The following GAB3 variants were observed in gnomAD, a reference collection of about 807,000 sequenced individuals.
The protein encoded by GAB3 is GRB2-associated-binding protein 3.
GAB3 carries 12 observed loss-of-function variants against 40.4 expected under a neutral mutation model. That is an observed-to-expected ratio of 0.30 (90% CI 0.19 to 0.48). The LOEUF (loss-of-function observed/expected upper bound fraction) is 0.48, where lower values mean the gene tolerates loss of function less well. GAB3 is among the 20% of genes least tolerant of loss of function. The pLI is 0.99. For missense variants in GAB3, 381 were observed against 461.9 expected (o/e 0.82, Z 1.61); for synonymous variants, 154 against 176.7 (o/e 0.87, Z 1.02).
At chrX:154,689,631 C>T (rs1472487555) in intron 8 of GAB3, among the ~76,000 whole-genome samples, 5 of 111,137 alleles carry the variant, frequency 4.5e-5, no homozygotes, top group African/African-American at 1.3e-4. Flanking sequence ...AACAGACAAA[C>T]GGAGAGCCAA....
chrX:154,734,863 A>C (rs1169800099), intron 1 of GAB3, among the ~76,000 whole-genome samples: 1 of 112,132 alleles, frequency 8.9e-6, no homozygotes, highest in African/African-American at 3.2e-5. Context: ...CTAACCTCCT[A>C]TTATGCGATC....
At chrX:154,734,032 T>C (rs143850572) in intron 1 of GAB3, among the ~76,000 whole-genome samples, 4 of 112,388 alleles carry the variant, frequency 3.6e-5, no homozygotes, top group Non-Finnish European at 5.6e-5. Context: ...GTGTGAAAAT[T>C]TGGGTGGGGT....
At chrX:154,704,593 A>C (rs782724365) in intron 4 of GAB3, among the ~76,000 whole-genome samples, 1 of 111,534 alleles carries the variant, frequency 9.0e-6, no homozygotes, top group Non-Finnish European at 1.9e-5. Flanking sequence ...GGAAATAAAT[A>C]ATAAAGATCA....
At chrX:154,732,706 G>A (rs906475921) in intron 1 of GAB3, among the ~76,000 whole-genome samples, 15 of 111,497 alleles carry the variant, frequency 1.3e-4, no homozygotes, top group Non-Finnish European at 2.8e-4. Context: ...GTTCTAGAAA[G>A]GGTCCCAGCA....
chrX:154,734,848 G>C (rs182828310), intron 1 of GAB3, among the ~76,000 whole-genome samples: 1 of 112,206 alleles, frequency 8.9e-6, no homozygotes, highest in African/African-American at 3.2e-5. Flanking sequence ...TGACTGAAGT[G>C]GGGGCTAACC....
intron 2 of GAB3, among the ~76,000 whole-genome samples, chrX:154,714,831 G>A (rs1196747783): frequency 1.1e-4 from 12 of 112,681 alleles, no homozygotes; most frequent in African/African-American, 3.2e-4. Flanking sequence ...CAGCAGCAAG[G>A]CTGGAGAAGT....
rs35684054 is a variant in GAB3, at chrX:154,694,635, C to T, written c.1530+1282G>A. 4.3e-4 allele frequency among the ~76,000 whole-genome samples: 48 copies of T among 111,719 alleles called. 1 individual carries two copies. Among genetic ancestry groups the T allele is most frequent in the Non-Finnish European group, 8.1e-4 (43 of 53,046 alleles). ...GTCTCGATCTCCTGACCTTGTGATC[C>T]GCCCGCCTCAGCCTCCCAAAGTGCT... is the stretch of plus-strand genomic sequence containing the variant. On this transcript the variant is annotated intron_variant, in intron 8 of 9. Transcript: ENST00000424127.
At chrX:154,714,741 G>A (rs1224163220) in intron 2 of GAB3, among the ~76,000 whole-genome samples, 4 of 112,230 alleles carry the variant, frequency 3.6e-5, no homozygotes, top group African/African-American at 1.3e-4. Context: ...GATAAGGAAA[G>A]AAACAGAGGA....
At chrX:154,701,183 T>C (rs1411519232) in intron 4 of GAB3, among the ~76,000 whole-genome samples, 1 of 111,556 alleles carries the variant, frequency 9.0e-6, no homozygotes, top group Non-Finnish European at 1.9e-5. Context: ...GCCAATAATA[T>C]AACCTATTTC....
intron 5 of GAB3, among the ~76,000 whole-genome samples, 173 bp from the exon 6 acceptor site, chrX:154,699,686 G>A (rs1226694962): frequency 1.8e-5 from 2 of 112,508 alleles, no homozygotes; most frequent in Middle Eastern, 4.6e-3. Context: ...TGGACTTATC[G>A]TTTTAGTATA....
chrX:154,738,151 G>A (rs985912649), intron 1 of GAB3, among the ~76,000 whole-genome samples: 1 of 112,569 alleles, frequency 8.9e-6, no homozygotes, highest in Non-Finnish European at 1.9e-5. Flanking sequence ...ATCTAAGTCC[G>A]TTTGACAGGA....
At chrX:154,713,765 ATATATATATATATATAT>A (rs2070997925) in intron 2 of GAB3, among the ~76,000 whole-genome samples, 1 of 79,077 alleles carries the variant, frequency 1.3e-5, no homozygotes, top group Non-Finnish European at 2.5e-5. Flanking sequence ...ATATATATAT[ATATATATATATATATAT>A]ATATGCATAA....
chrX:154,690,884 GAA>G (rs1243057047), intron 8 of GAB3, among the ~76,000 whole-genome samples: 1 of 107,478 alleles, frequency 9.3e-6, no homozygotes, highest in Non-Finnish European at 1.9e-5. Flanking sequence ...TCTAGAACTA[GAA>G]ATACCATTTG....
chrX:154,729,474 C>T (rs782009035), intron 1 of GAB3, among the ~76,000 whole-genome samples: 1 of 111,314 alleles, frequency 9.0e-6, no homozygotes, highest in Non-Finnish European at 1.9e-5. Context: ...TGGATGAGTT[C>T]GTAACTGCCA....
intron 9 of GAB3, among the ~76,000 whole-genome samples, chrX:154,679,700 A>G (rs1048950300): frequency 1.8e-5 from 2 of 111,556 alleles, no homozygotes; most frequent in Non-Finnish European, 3.8e-5. Flanking sequence ...ATTCTACCCA[A>G]AGGGGTAGCT....
At chrX:154,690,908 C>T (rs782542690) in intron 8 of GAB3, among the ~76,000 whole-genome samples, 1 of 107,528 alleles carries the variant, frequency 9.3e-6, no homozygotes, top group East Asian at 2.8e-4. Context: ...CCCAGTGATC[C>T]CATTACTGGG....
At chrX:154,746,849 C>T (rs1157729917) in intron 1 of GAB3, among the ~76,000 whole-genome samples, 18 of 112,249 alleles carry the variant, frequency 1.6e-4, no homozygotes, top group African/African-American at 5.5e-4. Context: ...ATAGCCAAAA[C>T]AACTCTGAGA....
chrX:154,733,564 C>T (rs1277742905), intron 1 of GAB3, among the ~76,000 whole-genome samples: 1 of 111,999 alleles, frequency 8.9e-6, no homozygotes, highest in Non-Finnish European at 1.9e-5. Context: ...AATAAATGAG[C>T]AAAGAGATAT....
chrX:154,696,688 C>T (rs1216963988), intron 7 of GAB3, among the ~76,000 whole-genome samples: 2 of 112,647 alleles, frequency 1.8e-5, no homozygotes, highest in South Asian at 3.6e-4. Flanking sequence ...GGGCCATAGC[C>T]AGTTCCACTG....
Sources: gnomAD v4.1 joint callset for allele counts (sites outside exome capture counted in the v4.1 genomes callset) on GRCh38, gnomAD v4.1.1 for gene constraint, MANE v1.5 for transcripts, NCBI Gene and HGNC (gene_info 2026-07-23, HGNC 2026-07-21) for gene names.